SMURF2: variants seen among roughly 807,000 people sequenced by gnomAD.
The protein encoded by SMURF2 is SMAD specific E3 ubiquitin protein ligase 2.
In SMURF2, 48 loss-of-function variants were observed where a neutral mutation model predicts 109.6. The ratio of observed to expected loss-of-function variants is 0.44; its 90% CI spans 0.35 to 0.56. The LOEUF is 0.56. Among genes scored for constraint, SMURF2 ranks in the 20% least tolerant of loss-of-function variants. The pLI, the probability that SMURF2 is intolerant of heterozygous loss-of-function variation, is 0.01. For synonymous variants in SMURF2, 288 were observed against 317.1 expected (o/e 0.91, Z 0.97); for missense variants, 575 against 909.0 (o/e 0.63, Z 4.72).
At chr17:64,546,692 A>G (rs539743097) in intron 17 of SMURF2, among the ~76,000 whole-genome samples, 1 of 152,372 alleles carries the variant, frequency 6.6e-6, no homozygotes, top group South Asian at 2.1e-4. Flanking sequence ...ATTCAAAAAG[A>G]TGACGACCTG....
Position 64,542,544 on chromosome 17 carries a change from C to T in SMURF2, c.*3304G>A, listed in dbSNP as rs1555682681. ...ATTACATAAAGTGAACTAATTACATCTAGAAATAAAACAACTCAGCATTTG... is the reference window on the plus strand; with the variant it reads ...ATTACATAAAGTGAACTAATTACATTTAGAAATAAAACAACTCAGCATTTG... On this transcript the variant is annotated 3_prime_UTR_variant, in exon 19 of 19. Coordinates refer to ENST00000262435, the MANE Select transcript of SMURF2 (RefSeq NM_022739.4). 1 of 152,012 alleles carries T rather than the reference C, an allele frequency of 6.6e-6. No individual in the cohort carries two copies. Among genetic ancestry groups the T allele is most frequent in the Admixed American group, 6.6e-5 (1 of 15,258 alleles). The allele number at this position is 152,012 out of a possible 1,614,324, so 9.4% of individuals were successfully genotyped here.
At chr17:64,661,241 A>G (rs1438108431) in intron 1 of SMURF2, among the ~76,000 whole-genome samples, 13 of 151,862 alleles carry the variant, frequency 8.6e-5, no homozygotes, top group Admixed American at 5.2e-4. Flanking sequence ...GCACACCGGA[A>G]AAGTCAACCT....
Position 64,575,787 on chromosome 17 carries a change from C to T in SMURF2, c.857+2705G>A, listed in dbSNP as rs6504241. ...CGCTGCTGTGCTTAACATAAAATAT[C>T]CACATCCTACAAATCCTTTGTATGT... On this transcript the variant is annotated intron_variant, in intron 9 of 18. Coordinates refer to ENST00000262435, the MANE Select transcript of SMURF2 (RefSeq NM_022739.4). Among the ~76,000 whole-genome samples, 1,388 of 151,976 alleles carry T rather than the reference C, an allele frequency of 9.1e-3. 25 individuals carry two copies. The highest frequency in any genetic ancestry group is 0.032 in the African/African-American group (1,330 of 41,366).
chr17:64,648,135 T>C (rs1970586619), intron 1 of SMURF2, among the ~76,000 whole-genome samples: 1 of 138,376 alleles, frequency 7.2e-6, no homozygotes, highest in South Asian at 2.3e-4. Flanking sequence ...AATGAGAATA[T>C]CTTAAAACCA....
chr17:64,560,797 C>CA (rs781799402), intron 12 of SMURF2: 13,371 of 106,294 alleles, frequency 0.13, 1,394 homozygotes, highest in African/African-American at 0.32. Flanking sequence ...CCCATCTCTA[C>CA]AAAAAAAAAA....
intron 2 of SMURF2, among the ~76,000 whole-genome samples, chr17:64,599,108 A>G (rs1379507883): frequency 2.0e-5 from 3 of 152,208 alleles, no homozygotes; most frequent in African/African-American, 7.2e-5. Flanking sequence ...TTGTAACGCA[A>G]ACACTTATAT....
At chr17:64,566,591 T>TTTTTTTTTTTTTTTTTTG (rs1969314957) in intron 10 of SMURF2, among the ~76,000 whole-genome samples, 1 of 127,972 alleles carries the variant, frequency 7.8e-6, no homozygotes, top group Non-Finnish European at 1.7e-5. Flanking sequence ...TTTTTTTTTT[T>TTTTTTTTTTTTTTTTTTG]GAGACAGTCT....
At chr17:64,553,217 A>T (rs909265594) in intron 15 of SMURF2, among the ~76,000 whole-genome samples, 2 of 151,906 alleles carry the variant, frequency 1.3e-5, no homozygotes, top group African/African-American at 4.8e-5. Context: ...GTATAATCAT[A>T]AAAAAACAGC....
intron 1 of SMURF2, among the ~76,000 whole-genome samples, chr17:64,636,130 CTA>C (rs1404127321): frequency 6.6e-6 from 1 of 152,142 alleles, no homozygotes; most frequent in East Asian, 1.9e-4. Flanking sequence ...GGAGAACTGT[CTA>C]TTCAAACCCT....
intron 1 of SMURF2, among the ~76,000 whole-genome samples, chr17:64,621,986 A>AAT (rs57165402): frequency 7.6e-6 from 1 of 130,998 alleles, no homozygotes; most frequent in African/African-American, 2.8e-5. Context: ...TAATAATAAT[A>AAT]AAAAAAAGCA....
chr17:64,649,083 G>A (rs1555693248), intron 1 of SMURF2, among the ~76,000 whole-genome samples: 1 of 152,152 alleles, frequency 6.6e-6, no homozygotes, highest in Non-Finnish European at 1.5e-5. Context: ...AATTACTAAT[G>A]TTTGCAACTC....
At chr17:64,621,015 C>T (rs1438944308) in intron 1 of SMURF2, among the ~76,000 whole-genome samples, 1 of 152,154 alleles carries the variant, frequency 6.6e-6, no homozygotes, top group Non-Finnish European at 1.5e-5. Flanking sequence ...TATCTAATAA[C>T]AGATCTCACT....
intron 1 of SMURF2, among the ~76,000 whole-genome samples, chr17:64,627,437 C>T (rs1970283307): frequency 6.6e-6 from 1 of 152,136 alleles, no homozygotes. Context: ...AGTTTTGAGA[C>T]ACTTTGCTAA....
intron 2 of SMURF2, among the ~76,000 whole-genome samples, chr17:64,600,393 T>C (rs1195000731): frequency 2.0e-5 from 3 of 152,094 alleles, no homozygotes; most frequent in African/African-American, 7.2e-5. Context: ...TGGGATAGAG[T>C]AGATTTCCTG....
At chr17:64,635,875 A>G (rs1970410164) in intron 1 of SMURF2, among the ~76,000 whole-genome samples, 1 of 152,140 alleles carries the variant, frequency 6.6e-6, no homozygotes, top group African/African-American at 2.4e-5. Flanking sequence ...ACTATGTTTA[A>G]TTTTTCTGAA....
intron 1 of SMURF2, among the ~76,000 whole-genome samples, chr17:64,650,298 G>C (rs1185607417): frequency 6.8e-6 from 1 of 147,888 alleles, no homozygotes; most frequent in Non-Finnish European, 1.5e-5. Flanking sequence ...CAGCCTCCTA[G>C]ACAGCAGGGA....
chr17:64,628,832 A>T (rs1362722984), intron 1 of SMURF2, among the ~76,000 whole-genome samples: 1 of 152,100 alleles, frequency 6.6e-6, no homozygotes, highest in Non-Finnish European at 1.5e-5. Flanking sequence ...TCAGATGAGG[A>T]CCTCACACTA....
intron 5 of SMURF2, among the ~76,000 whole-genome samples, chr17:64,586,397 C>T (rs1446441033): frequency 3.3e-5 from 5 of 152,052 alleles, no homozygotes; most frequent in African/African-American, 4.8e-5. Flanking sequence ...ATGGAAGAAG[C>T]CTAATTCCTT....
intron 1 of SMURF2, among the ~76,000 whole-genome samples, chr17:64,613,248 T>A (rs1457801751): frequency 6.6e-6 from 1 of 152,160 alleles, no homozygotes; most frequent in Non-Finnish European, 1.5e-5. Context: ...GCTCAAAGAA[T>A]CCATGAATTT....
Sources: allele counts gnomAD v4.1 joint callset (sites outside exome capture counted in the v4.1 genomes callset), GRCh38; gene constraint gnomAD v4.1.1; transcripts MANE v1.5; gene names NCBI Gene and HGNC (gene_info 2026-07-23, HGNC 2026-07-21).